The following EPB41L2 variants were observed in gnomAD, a reference collection of about 807,000 sequenced individuals.
EPB41L2 encodes band 4.1-like protein 2.
EPB41L2 carries 43 observed loss-of-function variants against 113.0 expected under a neutral mutation model. The ratio of observed to expected loss-of-function variants is 0.38; its 90% CI spans 0.30 to 0.49. The LOEUF is 0.49. Ranked by LOEUF, EPB41L2 falls within the 20% of genes least tolerant of loss-of-function variation. EPB41L2 has a pLI of 0.95. For synonymous variants in EPB41L2, 442 were observed against 436.7 expected, an observed-to-expected ratio of 1.01 and a Z score of -0.15; for missense variants, 1,147 against 1,223.4, an observed-to-expected ratio of 0.94 and a Z score of 0.93.
At chr6:131,059,350 A>G (rs895956811) in intron 1 of EPB41L2, among the ~76,000 whole-genome samples, 1 of 152,218 alleles carries the variant, frequency 6.6e-6, no homozygotes, top group East Asian at 1.9e-4. Flanking sequence ...TCCTGACCTC[A>G]TGATCCACCC....
In EPB41L2 at chr6:130,880,088, G is replaced by A. The variant is rs188610402; in HGVS notation, c.1896+56C>T. ...CCAGCCAGCCTAGGCGTGACCTCCC[G>A]TCCACAGCAGCCGGGCAGCCATTAG... On this transcript the variant is annotated intron_variant, in intron 13 of 19. Transcript: ENST00000337057. The A allele has an allele frequency of 1.2e-4, 169 of 1,368,112 alleles. No individual in the cohort carries two copies. In the African/African-American group the frequency reaches 2.1e-3, roughly 17 times the overall value. 84.7% of individuals were successfully genotyped at this position (1,368,112 alleles called of 1,614,324 possible).
chr6:131,058,530 T>C (rs1798034809), intron 1 of EPB41L2, among the ~76,000 whole-genome samples: 1 of 152,188 alleles, frequency 6.6e-6, no homozygotes, highest in Non-Finnish European at 1.5e-5. Flanking sequence ...ATGTCAACTC[T>C]ATCAAAGAAT....
At chr6:130,910,997 C>T (rs1000565522) in intron 4 of EPB41L2, among the ~76,000 whole-genome samples, 3 of 152,152 alleles carry the variant, frequency 2.0e-5, no homozygotes, top group African/African-American at 7.2e-5. Context: ...ACTAGAAACA[C>T]CATTTGACCC....
chr6:130,965,058 C>G (rs1774689264), intron 1 of EPB41L2, among the ~76,000 whole-genome samples: 1 of 152,278 alleles, frequency 6.6e-6, no homozygotes, highest in African/African-American at 2.4e-5. Flanking sequence ...TAATCATTAG[C>G]AGCATGTTCT....
At chr6:131,006,536 G>A (rs1028574448) in intron 1 of EPB41L2, among the ~76,000 whole-genome samples, 4 of 151,348 alleles carry the variant, frequency 2.6e-5, no homozygotes, top group African/African-American at 9.7e-5. Context: ...CAAGTGTGGT[G>A]GTGCGCGCCT....
chr6:130,860,400 A>G (rs980688681), intron 18 of EPB41L2, among the ~76,000 whole-genome samples: 3 of 152,264 alleles, frequency 2.0e-5, no homozygotes, highest in African/African-American at 7.2e-5. Flanking sequence ...CACATTCAAA[A>G]TCAGTTTGTT....
At chr6:130,975,044 T>C (rs755286563) in intron 1 of EPB41L2, among the ~76,000 whole-genome samples, 1 of 152,158 alleles carries the variant, frequency 6.6e-6, no homozygotes, top group Non-Finnish European at 1.5e-5. Context: ...AAATAACATG[T>C]GAGGTTACTT....
At chr6:130,976,388 C>T (rs771095082) in intron 1 of EPB41L2, among the ~76,000 whole-genome samples, 5 of 152,184 alleles carry the variant, frequency 3.3e-5, no homozygotes, top group Non-Finnish European at 7.3e-5. Context: ...CATGCGTCAC[C>T]TGCAAAGTTT....
At chr6:130,881,180 T>C (rs1026860787) in intron 12 of EPB41L2, 3 of 152,198 alleles carry the variant, frequency 2.0e-5, no homozygotes, top group Non-Finnish European at 2.9e-5. Context: ...AATAAAAATA[T>C]TGACTCCCTT....
At chr6:130,983,277 A>G (rs952583213) in intron 1 of EPB41L2, among the ~76,000 whole-genome samples, 2 of 152,228 alleles carry the variant, frequency 1.3e-5, no homozygotes, top group African/African-American at 4.8e-5. Flanking sequence ...CTGGCTAGAT[A>G]TATCAGTATA....
intron 18 of EPB41L2, among the ~76,000 whole-genome samples, chr6:130,860,959 C>A (rs1039042760): frequency 6.6e-6 from 1 of 152,196 alleles, no homozygotes; most frequent in Non-Finnish European, 1.5e-5. Flanking sequence ...GAAGAATCTG[C>A]AAAGCAAGTT....
At chr6:130,917,416 C>G (rs1801461220) in intron 4 of EPB41L2, among the ~76,000 whole-genome samples, 2 of 152,166 alleles carry the variant, frequency 1.3e-5, no homozygotes, top group Admixed American at 6.5e-5. Context: ...TCCTTGATAA[C>G]TAATTACCCT....
chr6:130,867,963 CA>C, intron 15 of EPB41L2: 2 of 162,456 alleles, frequency 1.2e-5, no homozygotes, highest in Non-Finnish European at 2.4e-5. Flanking sequence ...CACACACACA[CA>C]CACACACACT....
intron 1 of EPB41L2, among the ~76,000 whole-genome samples, chr6:131,001,253 G>A (rs1017264615): frequency 6.6e-6 from 1 of 152,094 alleles, no homozygotes; most frequent in Admixed American, 6.6e-5. Flanking sequence ...TGAACAAGTT[G>A]AGGGACAGGG....
chr6:130,932,971 G>A (rs1807424023), intron 3 of EPB41L2, among the ~76,000 whole-genome samples: 1 of 152,164 alleles, frequency 6.6e-6, no homozygotes, highest in Non-Finnish European at 1.5e-5. Context: ...TAGTTTCTGG[G>A]AGAAGACCAG....
At chr6:130,860,264 C>T (rs1337575307) in intron 18 of EPB41L2, among the ~76,000 whole-genome samples, 2 of 152,134 alleles carry the variant, frequency 1.3e-5, no homozygotes, top group Non-Finnish European at 2.9e-5. Flanking sequence ...GATCTGCCTA[C>T]AATAAAGCAG....
intron 3 of EPB41L2, among the ~76,000 whole-genome samples, chr6:130,933,850 C>A (rs1403717782): frequency 6.6e-6 from 1 of 152,118 alleles, no homozygotes; most frequent in Non-Finnish European, 1.5e-5. Context: ...ACTGCTTACC[C>A]GGCAGATTGT....
chr6:130,945,413 C>T (rs966127675), intron 3 of EPB41L2, among the ~76,000 whole-genome samples: 1 of 152,174 alleles, frequency 6.6e-6, no homozygotes, highest in African/African-American at 2.4e-5. Flanking sequence ...ATGAAGAGAG[C>T]CTACATTGTT....
intron 4 of EPB41L2, among the ~76,000 whole-genome samples, chr6:130,919,401 A>C (rs1802155324): frequency 6.6e-6 from 1 of 152,036 alleles, no homozygotes; most frequent in Non-Finnish European, 1.5e-5. Context: ...TCACAGCCAC[A>C]CCCTGGGTCT....
Sources: gnomAD v4.1 joint callset for allele counts (sites outside exome capture counted in the v4.1 genomes callset) on GRCh38, gnomAD v4.1.1 for gene constraint, MANE v1.5 for transcripts, NCBI Gene and HGNC (gene_info 2026-07-23, HGNC 2026-07-21) for gene names.